Variants in POLR2L observed in about 807,000 individuals in gnomAD.
POLR2L encodes DNA-directed RNA polymerases I, II, and III subunit RPABC5.
A neutral mutation model predicts 6.8 loss-of-function variants in POLR2L; 7 were observed. That is an observed-to-expected ratio of 1.03 (90% confidence interval 0.59 to 1.94). The LOEUF (loss-of-function observed/expected upper bound fraction) is 1.94. Ranked by LOEUF, POLR2L falls within the 30% of genes most tolerant of loss-of-function variation. The pLI is 0.00. For missense variants in POLR2L, 93 were observed against 86.7 expected (o/e 1.07, Z -0.29); for synonymous variants, 59 against 39.8 (o/e 1.48, Z -1.82).
chr11:841,334 C>G (rs1440046500), intron 1 of POLR2L, among the ~76,000 whole-genome samples: 1 of 152,220 alleles, frequency 6.6e-6, no homozygotes, highest in Admixed American at 6.5e-5. Flanking sequence ...GACTCAGGCA[C>G]CGTGGTGACA....
intron 1 of POLR2L, 23 bp from the exon 2 acceptor site, chr11:840,503 G>A (rs1284955960): frequency 2.0e-6 from 3 of 1,504,892 alleles, no homozygotes; most frequent in Non-Finnish European, 2.8e-6. Context: ...GAGGAGCAGA[G>A]GCCAACTGAG....
intron 1 of POLR2L, among the ~76,000 whole-genome samples, chr11:840,753 G>A (rs1846944370): frequency 1.3e-5 from 2 of 152,174 alleles, no homozygotes; most frequent in Admixed American, 6.6e-5. Context: ...TGTAAGAAAT[G>A]TAAATGAAAT....
At chr11:842,319 T>A in intron 1 of POLR2L, 95 bp downstream of exon 1, 1 of 847,718 alleles carries the variant, frequency 1.2e-6, no homozygotes, top group Non-Finnish European at 1.7e-6. Flanking sequence ...GCGCTGCGCC[T>A]CCCGCCCCGG....
chr11:842,133 G>C (rs1470596077), intron 1 of POLR2L, among the ~76,000 whole-genome samples: 1 of 152,232 alleles, frequency 6.6e-6, no homozygotes, highest in East Asian at 1.9e-4. Context: ...TACTGCGGGT[G>C]ACAAGACGCC....
chr11:841,330 G>C (rs2133967836), intron 1 of POLR2L, among the ~76,000 whole-genome samples: 1 of 152,326 alleles, frequency 6.6e-6, no homozygotes, highest in African/African-American at 2.4e-5. Flanking sequence ...CCAAGACTCA[G>C]GCACCGTGGT....
At chr11:840,553 C>G (rs1846936907) in intron 1 of POLR2L, 73 bp from the exon 2 acceptor site, 1 of 992,184 alleles carries the variant, frequency 1.0e-6, no homozygotes, top group Non-Finnish European at 1.6e-6. Context: ...CACATCCAAC[C>G]TGCCTCTCAC....
intron 1 of POLR2L, among the ~76,000 whole-genome samples, chr11:840,864 G>A (rs545504849): frequency 1.3e-5 from 2 of 152,324 alleles, no homozygotes; most frequent in African/African-American, 4.8e-5. Flanking sequence ...TAGCTCTCCA[G>A]GGGCCTGCCC....
In POLR2L at chr11:840,215, G is replaced by A. The variant is rs953955979; in HGVS notation, c.*157C>T. 6.5e-6 allele frequency: 4 copies of A among 615,862 alleles called. No homozygotes were observed. The highest frequency in any genetic ancestry group is 1.2e-5 in the Non-Finnish European group (4 of 346,560). The allele number at this position is 615,862 out of a possible 1,614,324, so 38.1% of individuals were successfully genotyped here. On this transcript the variant is annotated 3_prime_UTR_variant, in exon 2 of 2. Coordinates refer to ENST00000322028, the MANE Select transcript of POLR2L (RefSeq NM_021128.5). ...GGCTGGGACCTTAGTGGTTCTGAAA[G>A]ACCTTTACTGGATGGTTCCTTCCAG...
intron 1 of POLR2L, 25 bp from the exon 2 acceptor site, chr11:840,505 C>G: frequency 1.3e-6 from 2 of 1,499,466 alleles, no homozygotes; most frequent in Non-Finnish European, 1.9e-6. Flanking sequence ...GGAGCAGAGG[C>G]CAACTGAGTT....
At chr11:841,200 C>T (rs1348972525) in intron 1 of POLR2L, among the ~76,000 whole-genome samples, 2 of 152,244 alleles carry the variant, frequency 1.3e-5, no homozygotes, top group Admixed American at 6.5e-5. Flanking sequence ...GCAGCCCACT[C>T]GCTTTCCTCG....
chr11:842,291 G>A, intron 1 of POLR2L, 123 bp downstream of exon 1: 2 of 556,930 alleles, frequency 3.6e-6, no homozygotes, highest in Non-Finnish European at 5.9e-6. Flanking sequence ...GCTGCTCATG[G>A]GGCGCTGGCC....
At chr11:842,236 C>T (rs1031501179) in intron 1 of POLR2L, among the ~76,000 whole-genome samples, 178 bp downstream of exon 1, 4 of 152,214 alleles carry the variant, frequency 2.6e-5, no homozygotes, top group Non-Finnish European at 2.9e-5. Context: ...ATAAGGTTCT[C>T]CCGAAAGCAG....
At position 840,430 on chromosome 11, in the gene POLR2L, A is replaced by C. The variant is rs749971864; in HGVS notation, c.146T>G (p.Leu49Arg). Residue 49 changes from leucine to arginine, a missense_variant, in exon 2 of 2, where the codon CTG becomes CGG. Coordinates refer to ENST00000322028, the MANE Select transcript of POLR2L (RefSeq NM_021128.5). ...GLKRYCCRRM[L>R]LAHVDLIEKL... ...CTCGATCAGGTCCACGTGGGCCAGC[A>C]GCATCCGGCGGCAGCAGTAGCGCTT... 7 of 1,612,394 alleles carry C rather than the reference A, an allele frequency of 4.3e-6. No homozygotes were observed. Among genetic ancestry groups the C allele is most frequent in the Non-Finnish European group, 5.9e-6 (7 of 1,179,836 alleles).
At position 840,249 on chromosome 11, in the gene POLR2L, A is replaced by G; in HGVS notation, c.*123T>C. On this transcript the variant is annotated 3_prime_UTR_variant, in exon 2 of 2. Coordinates refer to ENST00000322028, the MANE Select transcript of POLR2L (RefSeq NM_021128.5). ...TGGATGGTTCCTTCCAGAGTGGGGT[A>G]TCGGATACACACACACTGCGGCCAG... The G allele has an allele frequency of 1.5e-6, 1 of 663,072 alleles. No individual in the cohort carries two copies. The allele number at this position is 663,072 out of a possible 1,614,324, so 41.1% of individuals were successfully genotyped here.
chr11:842,510 GC>G lies in POLR2L; in HGVS notation c.-3del. 1 of 1,573,580 alleles carries G rather than the reference GC, an allele frequency of 6.4e-7. No individual in the cohort carries two copies. The highest frequency in any genetic ancestry group is 2.5e-5 in the East Asian group (1 of 40,242). On this transcript the variant is annotated 5_prime_UTR_variant, in exon 1 of 2. Transcript: ENST00000322028. ...GAAGCAGCGTACAGGGATGATCATG[GC>G]GGCGGCGCGTCCCAGACTGCCCGGC...
At position 841,887 on chromosome 11, in the gene POLR2L, A is replaced by G. The variant is rs1483176494; in HGVS notation, c.95+527T>C. 7.2e-5 allele frequency among the ~76,000 whole-genome samples: 11 copies of G among 152,310 alleles called. No individual in the cohort carries two copies. In the East Asian group the frequency reaches 2.1e-3, roughly 29 times the overall value. ...GCACTCCAACCTGGGCGACGGAGCG[A>G]GACTCCGTCTCAAAAAAGAAAAATA... On this transcript the variant is annotated intron_variant, in intron 1 of 1. Coordinates refer to ENST00000322028, the MANE Select transcript of POLR2L (RefSeq NM_021128.5).
chr11:841,436 G>A (rs1396158828), intron 1 of POLR2L, among the ~76,000 whole-genome samples: 1 of 152,050 alleles, frequency 6.6e-6, no homozygotes, highest in South Asian at 2.1e-4. Flanking sequence ...TTCTTTTTCT[G>A]TGTGTGTGTG....
intron 1 of POLR2L, among the ~76,000 whole-genome samples, chr11:841,886 G>A (rs1176183670): frequency 1.3e-5 from 2 of 152,294 alleles, no homozygotes; most frequent in Non-Finnish European, 2.9e-5. Flanking sequence ...GCGACGGAGC[G>A]AGACTCCGTC....
chr11:840,721 G>A (rs1846943549), intron 1 of POLR2L, among the ~76,000 whole-genome samples: 1 of 152,206 alleles, frequency 6.6e-6, no homozygotes, highest in Non-Finnish European at 1.5e-5. Context: ...TACTCTGGCT[G>A]TACGTGTGTG....
Sources: gnomAD v4.1 joint callset for allele counts (sites outside exome capture counted in the v4.1 genomes callset) on GRCh38, gnomAD v4.1.1 for gene constraint, MANE v1.5 for transcripts, NCBI Gene and HGNC (gene_info 2026-07-23, HGNC 2026-07-21) for gene names.